The following SYT16 variants were observed in gnomAD, a reference collection of about 807,000 sequenced individuals.
SYT16 encodes synaptotagmin 16.
SYT16 carries 42 observed loss-of-function variants against 61.4 expected under a neutral mutation model. The observed-to-expected ratio is 0.68, with a 90% confidence interval of 0.53 to 0.89. The LOEUF (loss-of-function observed/expected upper bound fraction) is 0.89. Ranked by LOEUF, SYT16 falls within the 40% of genes least tolerant of loss-of-function variation. The pLI is 0.00. For missense variants in SYT16, 804 were observed against 807.3 expected, an observed-to-expected ratio of 1.00 and a Z score of 0.05; for synonymous variants, 314 against 302.3, an observed-to-expected ratio of 1.04 and a Z score of -0.40.
chr14:62,112,403 A>G lies in SYT16; in HGVS notation c.*11696A>G, dbSNP rs891607447. 1.3e-5 allele frequency: 2 copies of G among 152,158 alleles called. No individual in the cohort carries two copies. Among genetic ancestry groups the G allele is most frequent in the Admixed American group, 6.5e-5 (1 of 15,280 alleles). 9.4% of individuals were successfully genotyped at this position (152,158 alleles called of 1,614,324 possible). On this transcript the variant is annotated 3_prime_UTR_variant, in exon 8 of 8. Transcript: ENST00000683842. The stretch of plus-strand genomic sequence containing the variant: ...ATTCTAATTGCTTTTTGTTTAAAAC[A>G]GAAACATAGAAGAAGCATTAGCCCC...
At chr14:61,981,598 A>G (rs1199359495) in intron 2 of SYT16, among the ~76,000 whole-genome samples, 1 of 152,172 alleles carries the variant, frequency 6.6e-6, no homozygotes, top group South Asian at 2.1e-4. Flanking sequence ...TGGCTCAGAG[A>G]ACATTCCTTT....
chr14:61,907,110 G>A (rs2048754801), intron 1 of SYT16, among the ~76,000 whole-genome samples: 1 of 152,238 alleles, frequency 6.6e-6, no homozygotes, highest in Non-Finnish European at 1.5e-5. Context: ...CTGCTCTAAA[G>A]GCAAGGTGAG....
intron 1 of SYT16, among the ~76,000 whole-genome samples, chr14:61,963,112 C>T (rs896061093): frequency 3.9e-5 from 6 of 152,170 alleles, no homozygotes; most frequent in Admixed American, 1.3e-4. Context: ...CTCTCTCCCT[C>T]TCCTCAGGCC....
chr14:61,887,779 T>C (rs1208389658), intron 1 of SYT16, among the ~76,000 whole-genome samples: 1 of 152,234 alleles, frequency 6.6e-6, no homozygotes, highest in African/African-American at 2.4e-5. Flanking sequence ...TGCTCATGAT[T>C]AGGCTTTGGC....
intron 3 of SYT16, among the ~76,000 whole-genome samples, chr14:62,063,100 G>A (rs963980025): frequency 2.6e-5 from 4 of 152,160 alleles, no homozygotes; most frequent in African/African-American, 9.7e-5. Flanking sequence ...CTCCTACAGA[G>A]CACTCCACCT....
chr14:62,102,093 A>G lies in SYT16; in HGVS notation c.*1386A>G, dbSNP rs1022258295. 1.3e-5 allele frequency: 2 copies of G among 152,122 alleles called. No homozygotes were observed. Among genetic ancestry groups the G allele is most frequent in the African/African-American group, 2.4e-5 (1 of 41,420 alleles). 9.4% of individuals were successfully genotyped at this position (152,122 alleles called of 1,614,324 possible). Reference sequence around the variant, plus strand: ...CTTCTGAGCAATTGCTCAGTCACCTATTTTTAGTTTCTATGTTTCATTGTG... The same window carrying G: ...CTTCTGAGCAATTGCTCAGTCACCTGTTTTTAGTTTCTATGTTTCATTGTG... On this transcript the variant is annotated 3_prime_UTR_variant, in exon 8 of 8. Transcript: ENST00000683842.
chr14:61,945,400 A>G (rs868058282), intron 1 of SYT16, among the ~76,000 whole-genome samples: 17 of 152,224 alleles, frequency 1.1e-4, no homozygotes, highest in Non-Finnish European at 1.9e-4. Context: ...TACCCAAAGG[A>G]TTATAAATCA....
In SYT16 at chr14:62,049,305, C is replaced by T. The variant is rs2055157083; in HGVS notation, c.524-20298C>T. ...CAGAGACTAGGATTGCAAGCCCTGC[C>T]TTTTTTTGTTTTCCATTTGCTTGGT... is the stretch of plus-strand genomic sequence containing the variant. On this transcript the variant is annotated intron_variant, in intron 3 of 7. Transcript: ENST00000683842. 3.9e-5 allele frequency among the ~76,000 whole-genome samples: 6 copies of T among 152,100 alleles called. No individual in the cohort carries two copies. The South Asian group carries it at 1.2e-3, about 32-fold the overall frequency.
At chr14:62,008,011 G>A (rs973388279) in intron 3 of SYT16, among the ~76,000 whole-genome samples, 1 of 151,884 alleles carries the variant, frequency 6.6e-6, no homozygotes, top group African/African-American at 2.4e-5. Context: ...AGAAGCCAGA[G>A]CTAGACAGGA....
intron 1 of SYT16, among the ~76,000 whole-genome samples, chr14:61,843,769 G>T (rs1424831491): frequency 6.6e-6 from 1 of 152,178 alleles, no homozygotes; most frequent in African/African-American, 2.4e-5. Flanking sequence ...GTATGCATCT[G>T]CTCTTATGCC....
chr14:62,003,690 A>AT (rs2053112544), intron 3 of SYT16, among the ~76,000 whole-genome samples: 1 of 152,146 alleles, frequency 6.6e-6, no homozygotes, highest in Non-Finnish European at 1.5e-5. Context: ...TGAATTGGAC[A>AT]TTCTTATTAA....
chr14:62,005,558 C>T (rs2053188815), intron 3 of SYT16, among the ~76,000 whole-genome samples: 1 of 152,110 alleles, frequency 6.6e-6, no homozygotes, highest in Non-Finnish European at 1.5e-5. Flanking sequence ...TGGAAGTTTT[C>T]ACATTAGTCC....
At chr14:62,041,002 G>C (rs564191293) in intron 3 of SYT16, among the ~76,000 whole-genome samples, 16 of 152,254 alleles carry the variant, frequency 1.1e-4, no homozygotes, top group African/African-American at 2.9e-4. Flanking sequence ...ACAATAGGCC[G>C]TCTGCAAGCT....
chr14:62,015,196 C>T (rs1461403355), intron 3 of SYT16, among the ~76,000 whole-genome samples: 1 of 152,090 alleles, frequency 6.6e-6, no homozygotes, highest in African/African-American at 2.4e-5. Flanking sequence ...TGGATGTACC[C>T]ACTCAAATCT....
chr14:61,864,587 G>A (rs764551817), intron 1 of SYT16, among the ~76,000 whole-genome samples: 27 of 152,280 alleles, frequency 1.8e-4, no homozygotes, highest in Non-Finnish European at 1.8e-4. Flanking sequence ...TGGCTGCACA[G>A]GCCAAGGCCG....
At chr14:62,082,721 G>C (rs755862221) in intron 6 of SYT16, among the ~76,000 whole-genome samples, 128 of 152,334 alleles carry the variant, frequency 8.4e-4, no homozygotes, top group Non-Finnish European at 1.6e-3. Context: ...GATCAGAAGG[G>C]ATCCTGCGTG....
chr14:61,862,775 C>G (rs564228791), intron 1 of SYT16, among the ~76,000 whole-genome samples: 9 of 152,322 alleles, frequency 5.9e-5, no homozygotes, highest in African/African-American at 1.4e-4. Context: ...GTCCATTCGT[C>G]CTTCTACCCT....
chr14:62,085,554 G>A (rs914208657), intron 7 of SYT16, among the ~76,000 whole-genome samples: 26 of 152,192 alleles, frequency 1.7e-4, no homozygotes, highest in African/African-American at 6.3e-4. Context: ...AGAACTAGGA[G>A]CACCACTGGA....
intron 1 of SYT16, among the ~76,000 whole-genome samples, chr14:61,906,739 A>ATCCT (rs2140369761): frequency 8.4e-6 from 1 of 119,268 alleles, no homozygotes; most frequent in African/African-American, 3.3e-5. Context: ...CCATCCATCC[A>ATCCT]TCCATCCATC....
Sources: gnomAD v4.1 joint callset for allele counts (sites outside exome capture counted in the v4.1 genomes callset) on GRCh38, gnomAD v4.1.1 for gene constraint, MANE v1.5 for transcripts, NCBI Gene and HGNC (gene_info 2026-07-23, HGNC 2026-07-21) for gene names.